The following MGAT4C variants were observed in gnomAD, a reference collection of about 807,000 sequenced individuals.
MGAT4C encodes alpha-1,3-mannosyl-glycoprotein 4-beta-N-acetylglucosaminyltransferase C.
In MGAT4C, 19 loss-of-function variants were observed where a neutral mutation model predicts 40.1. That is an observed-to-expected ratio of 0.47 (90% CI 0.33 to 0.70). The LOEUF is 0.70. MGAT4C is among the 30% of genes least tolerant of loss of function. The pLI is 0.02. For missense variants in MGAT4C, 491 were observed against 563.2 expected (o/e 0.87, Z 1.30); for synonymous variants, 181 against 187.1 (o/e 0.97, Z 0.27).
chr12:86,076,639 G>A (rs1052487682), intron 1 of MGAT4C, among the ~76,000 whole-genome samples: 4 of 152,054 alleles, frequency 2.6e-5, no homozygotes, highest in Non-Finnish European at 5.9e-5. Context: ...ACAGGGCGGT[G>A]GCAAGAGAAA....
intron 4 of MGAT4C, among the ~76,000 whole-genome samples, chr12:86,263,486 T>C (rs1952707328): frequency 6.6e-6 from 1 of 152,340 alleles, no homozygotes; most frequent in East Asian, 1.9e-4. Context: ...ATTTTGTCCA[T>C]GTTGCTGCAA....
chr12:86,169,319 C>T (rs1039458661), intron 1 of MGAT4C, among the ~76,000 whole-genome samples: 31 of 152,082 alleles, frequency 2.0e-4, no homozygotes, highest in African/African-American at 7.5e-4. Flanking sequence ...CTTGTTGAGT[C>T]TTACCTTTCT....
chr12:86,788,312 TG>T (rs1190222861), intron 1 of MGAT4C, among the ~76,000 whole-genome samples: 6 of 150,950 alleles, frequency 4.0e-5, no homozygotes, highest in African/African-American at 1.5e-4. Context: ...TTTTTTTTTT[TG>T]GTAAAACATC....
upstream of MGAT4C, among the ~76,000 whole-genome samples, chr12:86,258,101 C>T (rs1292919127): frequency 6.6e-6 from 1 of 152,052 alleles, no homozygotes. Context: ...TTTAGAGTTA[C>T]TTTGGTGCCC....
At chr12:86,242,196 G>C (rs1951819213) in intron 1 of MGAT4C, among the ~76,000 whole-genome samples, 1 of 152,148 alleles carries the variant, frequency 6.6e-6, no homozygotes, top group Non-Finnish European at 1.5e-5. Flanking sequence ...CTTTTATGCA[G>C]TTAACAGGCA....
At chr12:86,223,581 C>T (rs1234906377) in intron 1 of MGAT4C, among the ~76,000 whole-genome samples, 1 of 152,168 alleles carries the variant, frequency 6.6e-6, no homozygotes, top group African/African-American at 2.4e-5. Context: ...CCTGATTACT[C>T]ACCCAGCAGC....
At chr12:86,731,558 A>G (rs1950908653) in intron 1 of MGAT4C, among the ~76,000 whole-genome samples, 1 of 151,602 alleles carries the variant, frequency 6.6e-6, no homozygotes, top group Admixed American at 6.6e-5. Flanking sequence ...TATTGTTGTA[A>G]CCTATGAAGT....
chr12:86,822,704 CAG>C (rs1429258363), intron 1 of MGAT4C, among the ~76,000 whole-genome samples: 8 of 151,092 alleles, frequency 5.3e-5, no homozygotes, highest in African/African-American at 1.5e-4. Flanking sequence ...CATCAATAAA[CAG>C]AGTCATGCAA....
At chr12:86,667,050 C>A (rs567957428) in intron 2 of MGAT4C, among the ~76,000 whole-genome samples, 1 of 152,272 alleles carries the variant, frequency 6.6e-6, no homozygotes, top group South Asian at 2.1e-4. Flanking sequence ...TGCTCTATAC[C>A]ACTGCTGCTG....
At chr12:86,540,935 G>A (rs1225950520) in intron 2 of MGAT4C, among the ~76,000 whole-genome samples, 2 of 152,154 alleles carry the variant, frequency 1.3e-5, no homozygotes, top group Non-Finnish European at 2.9e-5. Context: ...ACAAGGGTGG[G>A]TGAGGTATCT....
intron 3 of MGAT4C, among the ~76,000 whole-genome samples, chr12:86,363,972 T>TCTCACA (rs554440445): frequency 2.2e-4 from 33 of 148,786 alleles, no homozygotes; most frequent in South Asian, 1.7e-3. Flanking sequence ...TCTCTCTCTC[T>TCTCACA]CACACACACA....
At chr12:86,793,735 A>G (rs994969034) in intron 1 of MGAT4C, among the ~76,000 whole-genome samples, 3 of 152,018 alleles carry the variant, frequency 2.0e-5, no homozygotes, top group Non-Finnish European at 4.4e-5. Flanking sequence ...AAATTTACTT[A>G]TTTATTGTTC....
At chr12:86,171,483 C>A (rs967702491) in intron 1 of MGAT4C, among the ~76,000 whole-genome samples, 1 of 152,150 alleles carries the variant, frequency 6.6e-6, no homozygotes, top group Non-Finnish European at 1.5e-5. Context: ...GTGTACACAA[C>A]CCCTTCACAA....
At chr12:86,039,523 C>A (rs972228711) in intron 2 of MGAT4C, among the ~76,000 whole-genome samples, 2 of 152,100 alleles carry the variant, frequency 1.3e-5, no homozygotes, top group Admixed American at 1.3e-4. Context: ...GCTATTGATA[C>A]TTTTGTATGC....
intron 1 of MGAT4C, among the ~76,000 whole-genome samples, chr12:86,084,827 T>C (rs1871445967): frequency 6.6e-6 from 1 of 151,990 alleles, no homozygotes; most frequent in African/African-American, 2.4e-5. Flanking sequence ...TGGCTGGATT[T>C]TGTTTGGAAT....
intron 2 of MGAT4C, among the ~76,000 whole-genome samples, chr12:86,563,461 C>A (rs1959959528): frequency 6.6e-6 from 1 of 152,102 alleles, no homozygotes; most frequent in African/African-American, 2.4e-5. Context: ...GTTGAGTGGA[C>A]CAAAGACTAA....
At chr12:86,726,801 A>C (rs7314413) in intron 2 of MGAT4C, among the ~76,000 whole-genome samples, 118,770 of 152,010 alleles carry the variant, frequency 0.78, 48,013 homozygotes, top group Middle Eastern at 0.89. Flanking sequence ...GACAATCTAA[A>C]ATTAATTTGA....
chr12:86,082,133 G>A (rs889341266), intron 1 of MGAT4C, among the ~76,000 whole-genome samples: 2 of 152,110 alleles, frequency 1.3e-5, no homozygotes, highest in Non-Finnish European at 2.9e-5. Flanking sequence ...TTTCAGAAAT[G>A]TCACAAAATG....
chr12:85,995,566 C>T (rs1294020142), intron 2 of MGAT4C, among the ~76,000 whole-genome samples: 2 of 147,288 alleles, frequency 1.4e-5, no homozygotes, highest in Non-Finnish European at 3.1e-5. Context: ...AAAAACTGGA[C>T]ATTAAAAAGA....
Sources: gnomAD v4.1 joint callset for allele counts (sites outside exome capture counted in the v4.1 genomes callset) on GRCh38, gnomAD v4.1.1 for gene constraint, MANE v1.5 for transcripts, NCBI Gene and HGNC (gene_info 2026-07-23, HGNC 2026-07-21) for gene names.